ZBTB1: variants seen among roughly 807,000 people sequenced by gnomAD.
ZBTB1 encodes zinc finger and BTB domain containing 1, also known as zinc finger and BTB domain-containing protein 1.
ZBTB1 carries 13 observed loss-of-function variants against 51.6 expected under a neutral mutation model. The observed-to-expected ratio is 0.25, with a 90% CI of 0.16 to 0.40. The LOEUF is 0.40. Ranked by LOEUF, ZBTB1 falls within the 10% of genes least tolerant of loss-of-function variation. The probability of loss-of-function intolerance (pLI) is 1.00; values close to 1 mark genes in which losing one functional copy is unlikely to be tolerated. For synonymous variants in ZBTB1, 240 were observed against 282.2 expected (o/e 0.85, Z 1.50); for missense variants, 567 against 856.5 (o/e 0.66, Z 4.22).
chr14:64,508,947 A>G (rs1055900332), intron 1 of ZBTB1, among the ~76,000 whole-genome samples: 14 of 152,238 alleles, frequency 9.2e-5, no homozygotes, highest in African/African-American at 3.4e-4. Flanking sequence ...AATAATTGCA[A>G]TATCTGCCTT....
At chr14:64,525,860 G>A (rs1324517005), downstream of ZBTB1, among the ~76,000 whole-genome samples, 1 of 151,624 alleles carries the variant, frequency 6.6e-6, no homozygotes, top group African/African-American at 2.4e-5. Context: ...TCTTACTCTT[G>A]CCCAGGCTGG....
chr14:64,527,161 A>G (rs1406126983), downstream of ZBTB1, among the ~76,000 whole-genome samples: 2 of 152,166 alleles, frequency 1.3e-5, no homozygotes, highest in Non-Finnish European at 2.9e-5. Flanking sequence ...ATAATTTAAA[A>G]AAAAAAAAAG....
chr14:64,516,992 C>T (rs1263867656), intron 1 of ZBTB1, among the ~76,000 whole-genome samples: 1 of 152,094 alleles, frequency 6.6e-6, no homozygotes, highest in African/African-American at 2.4e-5. Flanking sequence ...CTTCTGTGCT[C>T]TTTATATCAT....
intron 1 of ZBTB1, among the ~76,000 whole-genome samples, chr14:64,519,179 G>T (rs528113289): frequency 7.2e-6 from 1 of 139,788 alleles, no homozygotes. Flanking sequence ...ATGGAGTCTC[G>T]TTCTTGTCAC....
chr14:64,528,958 A>C (rs1049664921), downstream of ZBTB1, among the ~76,000 whole-genome samples: 1 of 152,212 alleles, frequency 6.6e-6, no homozygotes, highest in Non-Finnish European at 1.5e-5. Context: ...TTTTCAGCCT[A>C]GAAACACATG....
downstream of ZBTB1, among the ~76,000 whole-genome samples, chr14:64,529,662 T>G (rs1404130127): frequency 6.6e-6 from 1 of 152,056 alleles, no homozygotes; most frequent in Non-Finnish European, 1.5e-5. Flanking sequence ...TCCCAGTTAC[T>G]TGGGAGGCTG....
intron 2 of ZBTB1, among the ~76,000 whole-genome samples, chr14:64,531,058 G>A (rs1445868953): frequency 6.6e-6 from 1 of 152,052 alleles, no homozygotes; most frequent in South Asian, 2.1e-4. Flanking sequence ...ATTTGAGGAA[G>A]GAACAGTTAA....
rs1264698688 is a variant in ZBTB1 at position 64,504,806 on chromosome 14, C to G, written c.-159C>G. ...GTCCCTGGCAGAGCCAGAGCCTCTC[C>G]GCGCAGCCCAGCCCGAGCGCCGAGC... On this transcript the variant is annotated 5_prime_UTR_variant, in exon 1 of 2. Coordinates refer to ENST00000683701, the MANE Select transcript of ZBTB1 (RefSeq NM_001123329.2). 2 of 387,230 alleles carry G rather than the reference C, an allele frequency of 5.2e-6. No individual in the cohort carries two copies. The highest frequency in any genetic ancestry group is 1.3e-4 in the South Asian group (1 of 7,698). The allele number at this position is 387,230 out of a possible 1,614,324, so 24.0% of individuals were successfully genotyped here. A position where few individuals can be genotyped will look rare whatever the true frequency, so the allele number is the denominator to read the frequency against.
chr14:64,504,941 C>T lies in ZBTB1; in HGVS notation c.-24C>T, dbSNP rs1004950676. On this transcript the variant is annotated 5_prime_UTR_variant, in exon 1 of 2. Coordinates refer to ENST00000683701, the MANE Select transcript of ZBTB1 (RefSeq NM_001123329.2). ...ATCTCCGCAGCTCTGGTTCCTGTTGCGGCCGGTAAGTATTTGCCAGTTGTG... is the reference window on the plus strand; with the variant it reads ...ATCTCCGCAGCTCTGGTTCCTGTTGTGGCCGGTAAGTATTTGCCAGTTGTG... 5.1e-6 allele frequency: 2 copies of T among 395,504 alleles called. No homozygotes were observed. The highest frequency in any genetic ancestry group is 3.6e-5 in the East Asian group (1 of 27,886). The allele number at this position is 395,504 out of a possible 1,614,324, so 24.5% of individuals were successfully genotyped here.
intron 1 of ZBTB1, among the ~76,000 whole-genome samples, chr14:64,507,461 TC>T (rs1190609658): frequency 6.6e-6 from 1 of 152,206 alleles, no homozygotes; most frequent in Non-Finnish European, 1.5e-5. Context: ...TCATTTTGAC[TC>T]CCACTCCCCA....
intron 1 of ZBTB1, among the ~76,000 whole-genome samples, chr14:64,509,960 G>C (rs932939637): frequency 8.1e-5 from 12 of 148,780 alleles, no homozygotes; most frequent in African/African-American, 2.5e-4. Context: ...CTGGGTGACA[G>C]AGCGAGACTC....
intron 1 of ZBTB1, among the ~76,000 whole-genome samples, chr14:64,509,375 A>G (rs1235615342): frequency 6.6e-6 from 1 of 152,124 alleles, no homozygotes; most frequent in Non-Finnish European, 1.5e-5. Context: ...TGTCTCAAAA[A>G]AAAGAAAAGA....
intron 1 of ZBTB1, chr14:64,514,059 T>C (rs1435327229): frequency 6.6e-6 from 1 of 152,204 alleles, no homozygotes; most frequent in Non-Finnish European, 1.5e-5. Context: ...CCACCCTCCA[T>C]TTCAATGCTC....
downstream of ZBTB1, among the ~76,000 whole-genome samples, chr14:64,527,359 C>G (rs572449554): frequency 6.6e-6 from 1 of 151,960 alleles, no homozygotes; most frequent in East Asian, 1.9e-4. Flanking sequence ...GCCTGTAATC[C>G]CAGCACTTTG....
chr14:64,529,482 A>G (rs544192640), downstream of ZBTB1, among the ~76,000 whole-genome samples: 6 of 152,330 alleles, frequency 3.9e-5, no homozygotes, highest in African/African-American at 1.4e-4. Context: ...TAAGAAATTC[A>G]TCATCTTAGC....
intron 1 of ZBTB1, chr14:64,518,582 TA>T (rs1300603290): frequency 1.3e-4 from 20 of 152,294 alleles, no homozygotes; most frequent in Admixed American, 1.1e-3. Flanking sequence ...TAAACGTAGA[TA>T]CCCTTAATTA....
chr14:64,517,781 A>ATTTTTTTTTTTT (rs10590459), intron 1 of ZBTB1, among the ~76,000 whole-genome samples: 2 of 41,550 alleles, frequency 4.8e-5, no homozygotes, highest in Admixed American at 3.3e-4. Context: ...ATATATATAT[A>ATTTTTTTTTTTT]TTTTTTTTTT....
chr14:64,529,367 CTG>C (rs1312852137), downstream of ZBTB1, among the ~76,000 whole-genome samples: 8 of 152,124 alleles, frequency 5.3e-5, no homozygotes, highest in Non-Finnish European at 4.4e-5. Context: ...GGTTATAAGA[CTG>C]TTGAGTTGAA....
At chr14:64,525,775 T>G (rs2079899389), downstream of ZBTB1, among the ~76,000 whole-genome samples, 1 of 152,224 alleles carries the variant, frequency 6.6e-6, no homozygotes, top group South Asian at 2.1e-4. Context: ...ATGACTGAGA[T>G]GTTTATAGTT....
Sources: allele counts gnomAD v4.1 joint callset (sites outside exome capture counted in the v4.1 genomes callset), GRCh38; gene constraint gnomAD v4.1.1; transcripts MANE v1.5; gene names NCBI Gene and HGNC (gene_info 2026-07-23, HGNC 2026-07-21).